RSRC1: variants seen among roughly 807,000 people sequenced by gnomAD.
The protein encoded by RSRC1 is serine/Arginine-related protein 53.
In RSRC1, 39 loss-of-function variants were observed where a neutral mutation model predicts 49.1. That is an observed-to-expected ratio of 0.79 (90% confidence interval 0.61 to 1.04). The LOEUF (loss-of-function observed/expected upper bound fraction) is 1.04. Among genes scored for constraint, RSRC1 ranks in the 50% least tolerant of loss-of-function variants. The pLI is 0.00. For missense variants in RSRC1, 388 were observed against 402.4 expected (o/e 0.96, Z 0.31); for synonymous variants, 143 against 130.8 (o/e 1.09, Z -0.63).
At chr3:158,312,276 G>T (rs188394344) in intron 5 of RSRC1, among the ~76,000 whole-genome samples, 11 of 152,210 alleles carry the variant, frequency 7.2e-5, no homozygotes, top group African/African-American at 2.4e-4. Context: ...ACCAAATGTG[G>T]CCTTAAGTAG....
At chr3:158,375,015 G>T (rs1732281305) in intron 6 of RSRC1, among the ~76,000 whole-genome samples, 1 of 151,790 alleles carries the variant, frequency 6.6e-6, no homozygotes, top group Non-Finnish European at 1.5e-5. Context: ...TTATTTCGCA[G>T]TTTTGCATAG....
intron 2 of RSRC1, among the ~76,000 whole-genome samples, 165 bp from the exon 3 acceptor site, chr3:158,123,701 C>A (rs776220990): frequency 3.3e-5 from 5 of 152,156 alleles, no homozygotes; most frequent in Non-Finnish European, 5.9e-5. Flanking sequence ...ATGAACCAGT[C>A]ATATGACTGT....
chr3:158,190,772 G>A (rs1720196962), intron 3 of RSRC1, among the ~76,000 whole-genome samples: 1 of 151,738 alleles, frequency 6.6e-6, no homozygotes, highest in Non-Finnish European at 1.5e-5. Context: ...GCTTTGTATG[G>A]ATGTTGGATT....
chr3:158,292,105 T>C (rs1726969270), intron 4 of RSRC1, among the ~76,000 whole-genome samples: 1 of 152,180 alleles, frequency 6.6e-6, no homozygotes, highest in East Asian at 1.9e-4. Context: ...CTCAGTCTTG[T>C]CCCAGTTAGT....
chr3:158,147,343 T>C (rs1009351444), intron 3 of RSRC1, among the ~76,000 whole-genome samples: 1 of 151,816 alleles, frequency 6.6e-6, no homozygotes, highest in Non-Finnish European at 1.5e-5. Flanking sequence ...TGGGCTCAAT[T>C]GATCCTCTCA....
intron 5 of RSRC1, among the ~76,000 whole-genome samples, chr3:158,324,394 C>A (rs1198479991): frequency 1.3e-5 from 2 of 152,120 alleles, no homozygotes; most frequent in African/African-American, 4.8e-5. Context: ...CCCCTCACCC[C>A]ACGACAGGCC....
chr3:158,128,329 T>G (rs1421363816), intron 3 of RSRC1, among the ~76,000 whole-genome samples: 2 of 152,194 alleles, frequency 1.3e-5, no homozygotes, highest in Admixed American at 1.3e-4. Flanking sequence ...TCAGTGAGGT[T>G]GTACTTGGCT....
chr3:158,304,059 G>A (rs1727714753), intron 5 of RSRC1, among the ~76,000 whole-genome samples: 1 of 152,170 alleles, frequency 6.6e-6, no homozygotes, highest in Non-Finnish European at 1.5e-5. Flanking sequence ...TCTCTCCACA[G>A]AAGTCTCATT....
chr3:158,200,497 T>C (rs1216885760), intron 3 of RSRC1, among the ~76,000 whole-genome samples: 1 of 152,246 alleles, frequency 6.6e-6, no homozygotes, highest in African/African-American at 2.4e-5. Flanking sequence ...AATGTACTTA[T>C]TGATATAATT....
At chr3:158,196,571 C>T (rs1159079185) in intron 3 of RSRC1, among the ~76,000 whole-genome samples, 2 of 152,152 alleles carry the variant, frequency 1.3e-5, no homozygotes, top group East Asian at 3.9e-4. Context: ...GCATCCCTGT[C>T]TTGTGCCAGT....
rs146464257 is a variant in RSRC1, at chr3:158,333,404, A to G, written c.532-21453A>G. ...TACTATGAAACATGCCCTCTATGCA[A>G]ATATTCCATCTAGAAAAATCTCTCA... On this transcript the variant is annotated intron_variant, in intron 5 of 9. Transcript: ENST00000611884. 2.6e-5 allele frequency among the ~76,000 whole-genome samples: 4 copies of G among 152,330 alleles called. No homozygotes were observed. In the East Asian group the frequency reaches 7.7e-4, roughly 29 times the overall value.
chr3:158,263,274 T>C (rs956554364), intron 4 of RSRC1, among the ~76,000 whole-genome samples: 1 of 152,184 alleles, frequency 6.6e-6, no homozygotes, highest in African/African-American at 2.4e-5. Context: ...CTGTGACTAC[T>C]GAAACGATTA....
chr3:158,168,546 T>TAAAA (rs1718672506), intron 3 of RSRC1, among the ~76,000 whole-genome samples: 3 of 152,242 alleles, frequency 2.0e-5, no homozygotes, highest in Admixed American at 6.5e-5. Context: ...TCATTCTTTT[T>TAAAA]ATTTATAGAT....
intron 1 of RSRC1, among the ~76,000 whole-genome samples, chr3:158,119,059 AT>A (rs1715067412): frequency 6.6e-6 from 1 of 151,976 alleles, no homozygotes; most frequent in Non-Finnish European, 1.5e-5. Context: ...TCTTTGATTC[AT>A]TTTTCTCCCC....
chr3:158,162,712 GC>G (rs1718304801), intron 3 of RSRC1, among the ~76,000 whole-genome samples: 1 of 152,152 alleles, frequency 6.6e-6, no homozygotes, highest in African/African-American at 2.4e-5. Context: ...ATTCTGAGGG[GC>G]TGATATCAGC....
At chr3:158,342,419 C>G (rs1188724851) in intron 5 of RSRC1, among the ~76,000 whole-genome samples, 3 of 152,130 alleles carry the variant, frequency 2.0e-5, no homozygotes, top group Non-Finnish European at 2.9e-5. Flanking sequence ...ATGAGTTTAT[C>G]AGGGGTTTCT....
intron 2 of RSRC1, among the ~76,000 whole-genome samples, chr3:158,122,737 AC>A (rs1715348261): frequency 6.8e-6 from 1 of 146,752 alleles, no homozygotes; most frequent in Non-Finnish European, 1.5e-5. Context: ...CTAGCCCCCC[AC>A]CCCATGACAG....
chr3:158,131,202 T>A (rs991849698), intron 3 of RSRC1, among the ~76,000 whole-genome samples: 7 of 151,984 alleles, frequency 4.6e-5, no homozygotes, highest in Non-Finnish European at 1.0e-4. Flanking sequence ...AAATATATAT[T>A]AACTAAGTTT....
chr3:158,238,123 G>T lies in RSRC1; in HGVS notation c.494+34878G>T, dbSNP rs557493299. Among the ~76,000 whole-genome samples the T allele has an allele frequency of 2.0e-4, 30 of 152,218 alleles. 1 individual carries two copies. The South Asian group carries it at 6.2e-3, about 32-fold the overall frequency. On this transcript the variant is annotated intron_variant, in intron 4 of 9. Coordinates refer to ENST00000611884, the MANE Select transcript of RSRC1 (RefSeq NM_001271838.2). ...GAGTGAACTCCCATTCACAATTGCT[G>T]CAAAGAGAGTAAAATACCCAGGAAT...
Sources: allele counts gnomAD v4.1 joint callset (sites outside exome capture counted in the v4.1 genomes callset), GRCh38; gene constraint gnomAD v4.1.1; transcripts MANE v1.5; gene names NCBI Gene and HGNC (gene_info 2026-07-23, HGNC 2026-07-21).